Variants in RALYL observed in about 807,000 individuals in gnomAD.
RALYL encodes the protein RNA-binding Raly-like protein.
A neutral mutation model predicts 35.1 loss-of-function variants in RALYL; 29 were observed. The ratio of observed to expected loss-of-function variants is 0.83; its 90% CI spans 0.61 to 1.13. RALYL has a LOEUF of 1.13. RALYL is among the 50% of genes most tolerant of loss of function. The pLI is 0.00. For synonymous variants in RALYL, 120 were observed against 127.6 expected (o/e 0.94, Z 0.40); for missense variants, 359 against 360.4 (o/e 1.00, Z 0.03).
At chr8:84,752,035 A>G (rs1331005007) in intron 2 of RALYL, among the ~76,000 whole-genome samples, 1 of 152,208 alleles carries the variant, frequency 6.6e-6, no homozygotes, top group African/African-American at 2.4e-5. Context: ...AGACAGGAAG[A>G]TGAGGGAAGG....
chr8:84,555,812 C>T (rs112984472), intron 2 of RALYL, among the ~76,000 whole-genome samples: 2,784 of 152,082 alleles, frequency 0.018, 67 homozygotes, highest in African/African-American at 0.063. Context: ...GATATCCCAT[C>T]AGTATATAAT....
intron 3 of RALYL, among the ~76,000 whole-genome samples, chr8:84,788,411 C>T (rs774930715): frequency 3.3e-5 from 5 of 152,060 alleles, no homozygotes; most frequent in Non-Finnish European, 7.4e-5. Flanking sequence ...ATACATAATG[C>T]AATTTTTCTT....
intron 1 of RALYL, among the ~76,000 whole-genome samples, chr8:84,485,715 T>C (rs1014290750): frequency 1.3e-5 from 2 of 152,188 alleles, no homozygotes; most frequent in African/African-American, 4.8e-5. Context: ...GATTTATTTT[T>C]TCTCTCATCC....
At chr8:84,310,569 C>T (rs28434394) in intron 1 of RALYL, among the ~76,000 whole-genome samples, 2,348 of 151,540 alleles carry the variant, frequency 0.015, 54 homozygotes, top group African/African-American at 0.053. Context: ...AAGGAAGGGA[C>T]GAAGGGACAA....
chr8:84,362,641 A>G (rs1466697326), intron 1 of RALYL, among the ~76,000 whole-genome samples: 1 of 152,130 alleles, frequency 6.6e-6, no homozygotes, highest in Non-Finnish European at 1.5e-5. Context: ...TGATTAGTTA[A>G]TGATCATCTG....
intron 1 of RALYL, among the ~76,000 whole-genome samples, chr8:84,205,273 AAATGT>A (rs1366056727): frequency 5.3e-5 from 8 of 152,220 alleles, no homozygotes; most frequent in Admixed American, 5.2e-4. Context: ...CTAAAGAGAA[AAATGT>A]AATGATTTCC....
chr8:84,650,407 C>T lies in RALYL; in HGVS notation c.256+120830C>T, dbSNP rs534785397. Among the ~76,000 whole-genome samples, 318 of 152,036 alleles carry T rather than the reference C, an allele frequency of 2.1e-3. 1 individual carries two copies. The highest frequency in any genetic ancestry group is 7.0e-3 in the African/African-American group (292 of 41,480). On this transcript the variant is annotated intron_variant, in intron 2 of 8. Coordinates refer to ENST00000521268, the MANE Select transcript of RALYL (RefSeq NM_173848.7). ...ACAAACAACCCCATCAAAAAGTAGG[C>T]GAAAGACGTGAAAAGACACTTCTCA...
intron 1 of RALYL, among the ~76,000 whole-genome samples, chr8:84,283,554 A>G (rs1837027275): frequency 6.6e-6 from 1 of 152,172 alleles, no homozygotes; most frequent in African/African-American, 2.4e-5. Context: ...AGAAATCCCA[A>G]CATGATGCTG....
chr8:84,460,230 T>G (rs1381558178), intron 1 of RALYL, among the ~76,000 whole-genome samples: 2 of 151,746 alleles, frequency 1.3e-5, no homozygotes, highest in Non-Finnish European at 3.0e-5. Flanking sequence ...AAGATCTATA[T>G]TTGTGGAAGT....
At chr8:84,347,678 A>C (rs1195960159) in intron 1 of RALYL, among the ~76,000 whole-genome samples, 1 of 152,142 alleles carries the variant, frequency 6.6e-6, no homozygotes, top group Admixed American at 6.6e-5. Flanking sequence ...TTTTCTGAGC[A>C]GACAAAATAA....
At chr8:84,547,658 C>A (rs2060454749) in intron 2 of RALYL, among the ~76,000 whole-genome samples, 1 of 151,052 alleles carries the variant, frequency 6.6e-6, no homozygotes, top group Non-Finnish European at 1.5e-5. Context: ...GGATTACAGG[C>A]ATGAGCCACT....
At chr8:84,500,826 C>A (rs918071761) in intron 1 of RALYL, among the ~76,000 whole-genome samples, 1 of 152,048 alleles carries the variant, frequency 6.6e-6, no homozygotes, top group East Asian at 1.9e-4. Context: ...AATTTCTATC[C>A]CCGCTGAGTA....
chr8:84,425,783 C>CTGTG (rs1554662152), intron 1 of RALYL, among the ~76,000 whole-genome samples: 2,584 of 144,492 alleles, frequency 0.018, 31 homozygotes, highest in Non-Finnish European at 0.02. Context: ...AGTTTTTCTT[C>CTGTG]TGTGTGTGTG....
At chr8:84,575,853 A>C (rs746634851) in intron 2 of RALYL, among the ~76,000 whole-genome samples, 11 of 151,948 alleles carry the variant, frequency 7.2e-5, no homozygotes, top group Non-Finnish European at 1.3e-4. Context: ...TTGACTGGGC[A>C]TAGTGGCGTG....
intron 1 of RALYL, among the ~76,000 whole-genome samples, chr8:84,374,574 A>C (rs1375564031): frequency 2.6e-5 from 4 of 151,888 alleles, no homozygotes; most frequent in Non-Finnish European, 5.9e-5. Context: ...TTTTGTGGGA[A>C]CATGGATGGA....
chr8:84,345,894 T>G (rs1175467581), intron 1 of RALYL, among the ~76,000 whole-genome samples: 2 of 152,116 alleles, frequency 1.3e-5, no homozygotes, highest in Non-Finnish European at 2.9e-5. Context: ...TACCATGGAC[T>G]GTGCATCAGT....
intron 4 of RALYL, among the ~76,000 whole-genome samples, chr8:84,810,992 T>C (rs1292902681): frequency 6.6e-6 from 1 of 152,166 alleles, no homozygotes; most frequent in Non-Finnish European, 1.5e-5. Flanking sequence ...TTATATTCAA[T>C]GTTTAGTATT....
At chr8:84,871,490 T>A (rs1299747128) in intron 6 of RALYL, among the ~76,000 whole-genome samples, 1 of 152,190 alleles carries the variant, frequency 6.6e-6, no homozygotes, top group Non-Finnish European at 1.5e-5. Context: ...ATTTGATACG[T>A]TTAAGTAAAA....
intron 2 of RALYL, among the ~76,000 whole-genome samples, chr8:84,650,228 C>T (rs1010670477): frequency 7.9e-5 from 12 of 151,992 alleles, no homozygotes; most frequent in African/African-American, 2.9e-4. Context: ...CATCTGCAAA[C>T]AGGGACAATT....
Sources: allele counts gnomAD v4.1 joint callset (sites outside exome capture counted in the v4.1 genomes callset), GRCh38; gene constraint gnomAD v4.1.1; transcripts MANE v1.5; gene names NCBI Gene and HGNC (gene_info 2026-07-23, HGNC 2026-07-21).